The following BMPR2 variants were observed in gnomAD, a reference collection of about 807,000 sequenced individuals.
The protein encoded by BMPR2 is bone morphogenetic protein receptor type 2, also known as bone morphogenetic protein receptor type-2.
Under a neutral mutation model 100.8 loss-of-function variants are expected in BMPR2, and 29 were observed. The observed-to-expected ratio is 0.29, with a 90% CI of 0.21 to 0.39. The LOEUF (loss-of-function observed/expected upper bound fraction) is 0.39, where lower values mean the gene tolerates loss of function less well. Among genes scored for constraint, BMPR2 ranks in the 10% least tolerant of loss-of-function variants. BMPR2 has a pLI of 1.00. For synonymous variants in BMPR2, 382 were observed against 442.3 expected, an observed-to-expected ratio of 0.86 and a Z score of 1.71; for missense variants, 1,011 against 1,274.5, an observed-to-expected ratio of 0.79 and a Z score of 3.15.
intron 1 of BMPR2, among the ~76,000 whole-genome samples, chr2:202,448,463 T>TA (rs1326837701): frequency 2.9e-5 from 4 of 139,146 alleles, no homozygotes; most frequent in African/African-American, 1.0e-4. Flanking sequence ...AAAATAAAAA[T>TA]AAAAAATAAA....
chr2:202,507,006 A>C (rs1295952490), intron 3 of BMPR2, among the ~76,000 whole-genome samples: 2 of 150,848 alleles, frequency 1.3e-5, no homozygotes, highest in African/African-American at 4.9e-5. Flanking sequence ...CTGGGAGGCG[A>C]AGGTTGTAGT....
At chr2:202,500,698 C>CG (rs1430377167) in intron 3 of BMPR2, among the ~76,000 whole-genome samples, 2 of 152,186 alleles carry the variant, frequency 1.3e-5, no homozygotes, top group African/African-American at 4.8e-5. Flanking sequence ...AAAAACCAAA[C>CG]GGTCAGTGGA....
At chr2:202,528,513 GAAAGA>G (rs1687960449) in intron 7 of BMPR2, among the ~76,000 whole-genome samples, 1 of 152,082 alleles carries the variant, frequency 6.6e-6, no homozygotes, top group African/African-American at 2.4e-5. Flanking sequence ...AAAAATGAAA[GAAAGA>G]AAAGAAAAAA....
chr2:202,546,093 G>A (rs1319743861), intron 10 of BMPR2, among the ~76,000 whole-genome samples: 1 of 152,092 alleles, frequency 6.6e-6, no homozygotes, highest in Non-Finnish European at 1.5e-5. Context: ...TTTACTTCCA[G>A]TATAGAGTAG....
chr2:202,536,651 T>C (rs1688164514), intron 9 of BMPR2, among the ~76,000 whole-genome samples: 1 of 151,946 alleles, frequency 6.6e-6, no homozygotes, highest in African/African-American at 2.4e-5. Flanking sequence ...GGCAAGTGTA[T>C]CACCTGAGGT....
intron 1 of BMPR2, among the ~76,000 whole-genome samples, chr2:202,462,493 A>C (rs893114575): frequency 6.6e-6 from 1 of 152,152 alleles, no homozygotes; most frequent in Non-Finnish European, 1.5e-5. Flanking sequence ...TGCTGGGATT[A>C]CAGGCGTGAG....
At chr2:202,417,666 G>A (rs142119302) in intron 1 of BMPR2, among the ~76,000 whole-genome samples, 19 of 151,498 alleles carry the variant, frequency 1.3e-4, no homozygotes, top group Admixed American at 5.9e-4. Flanking sequence ...TTTTTGAGAC[G>A]GAGTCCCAAG....
chr2:202,406,304 G>C (rs1324880739), intron 1 of BMPR2, among the ~76,000 whole-genome samples: 1 of 152,194 alleles, frequency 6.6e-6, no homozygotes, highest in African/African-American at 2.4e-5. Flanking sequence ...GGGGCTGTGA[G>C]CAACCCCCTC....
At chr2:202,498,311 C>T (rs1693087329) in intron 3 of BMPR2, among the ~76,000 whole-genome samples, 1 of 152,228 alleles carries the variant, frequency 6.6e-6, no homozygotes, top group South Asian at 2.1e-4. Context: ...TAAATCCGAC[C>T]TTCCTCCGTC....
rs560935184 is a variant in BMPR2 at position 202,528,501 on chromosome 2, A to T, written c.968-2293A>T. Among the ~76,000 whole-genome samples the T allele has an allele frequency of 6.8e-4, 104 of 152,234 alleles. 1 individual carries two copies. The highest frequency in any genetic ancestry group is 2.4e-3 in the African/African-American group (98 of 41,524). On this transcript the variant is annotated intron_variant, in intron 7 of 12. Transcript: ENST00000374580. Reference sequence around the variant, plus strand: ...CACGCCTGGCCAGAGACCCTGTTTTAAAAAAATGAAAGAAAGAAAAGAAAA... The same window carrying T: ...CACGCCTGGCCAGAGACCCTGTTTTTAAAAAATGAAAGAAAGAAAAGAAAA...
intron 1 of BMPR2, among the ~76,000 whole-genome samples, chr2:202,404,153 T>C (rs1384744341): frequency 6.6e-6 from 1 of 151,870 alleles, no homozygotes; most frequent in Non-Finnish European, 1.5e-5. Flanking sequence ...AAATGACTTA[T>C]TGTCATTTTA....
chr2:202,414,751 T>C (rs371063682), intron 1 of BMPR2, among the ~76,000 whole-genome samples: 1 of 152,116 alleles, frequency 6.6e-6, no homozygotes, highest in South Asian at 2.1e-4. Flanking sequence ...CTTGTTTTTT[T>C]CTTTTGGAGA....
chr2:202,483,698 C>A (rs1175463239), intron 3 of BMPR2, among the ~76,000 whole-genome samples: 1 of 152,200 alleles, frequency 6.6e-6, no homozygotes, highest in African/African-American at 2.4e-5. Context: ...CCACCACGCC[C>A]AGCCCAAAGT....
chr2:202,406,499 C>T (rs1252428659), intron 1 of BMPR2, among the ~76,000 whole-genome samples: 4 of 152,186 alleles, frequency 2.6e-5, no homozygotes, highest in African/African-American at 9.6e-5. Context: ...ATTTAAGGCC[C>T]AGGCCATAAC....
rs768590299 is a variant in BMPR2, at chr2:202,556,543, G to A, written c.2866+12G>A. ...CAGCAGTATACAGAGTAAGTGGAGG[G>A]ATCATATAATCTCTCCTGTGTGTCT... On this transcript the variant is annotated intron_variant, in intron 12 of 12. Coordinates refer to ENST00000374580, the MANE Select transcript of BMPR2 (RefSeq NM_001204.7). 1.2e-5 allele frequency: 19 copies of A among 1,609,786 alleles called. No homozygotes were observed. Among genetic ancestry groups the A allele is most frequent in the South Asian group, 2.2e-5 (2 of 91,052 alleles).
intron 12 of BMPR2, among the ~76,000 whole-genome samples, chr2:202,559,280 C>G (rs941660221): frequency 6.7e-6 from 1 of 150,166 alleles, no homozygotes; most frequent in African/African-American, 2.5e-5. Context: ...CCAGCCTGGG[C>G]TACAGAGTGA....
chr2:202,509,883 A>G (rs1687588913), intron 3 of BMPR2, among the ~76,000 whole-genome samples: 1 of 152,124 alleles, frequency 6.6e-6, no homozygotes, highest in Non-Finnish European at 1.5e-5. Flanking sequence ...GAATTATAAC[A>G]TTGGATATCT....
chr2:202,481,837 TGTG>T (rs1277400346), intron 3 of BMPR2, among the ~76,000 whole-genome samples: 1 of 152,236 alleles, frequency 6.6e-6, no homozygotes, highest in African/African-American at 2.4e-5. Context: ...AAATTTTAGC[TGTG>T]GTAAAATACA....
intron 3 of BMPR2, among the ~76,000 whole-genome samples, chr2:202,474,247 A>T (rs1297689311): frequency 2.0e-5 from 3 of 152,074 alleles, no homozygotes; most frequent in Admixed American, 2.0e-4. Flanking sequence ...TGAGGTCAGG[A>T]GTTCGAGACC....
Sources: allele counts gnomAD v4.1 joint callset (sites outside exome capture counted in the v4.1 genomes callset), GRCh38; gene constraint gnomAD v4.1.1; transcripts MANE v1.5; gene names NCBI Gene and HGNC (gene_info 2026-07-23, HGNC 2026-07-21).